KIAA0319: variants seen among roughly 807,000 people sequenced by gnomAD.
KIAA0319 encodes dyslexia-associated protein KIAA0319.
KIAA0319 carries 83 observed loss-of-function variants against 108.4 expected under a neutral mutation model. That is an observed-to-expected ratio of 0.77 (90% CI 0.64 to 0.92). The LOEUF (loss-of-function observed/expected upper bound fraction) is 0.92. Ranked by LOEUF, KIAA0319 falls within the 40% of genes least tolerant of loss-of-function variation. KIAA0319 has a pLI of 0.00. For synonymous variants in KIAA0319, 484 were observed against 510.4 expected, an observed-to-expected ratio of 0.95 and a Z score of 0.70; for missense variants, 1,195 against 1,322.4, an observed-to-expected ratio of 0.90 and a Z score of 1.49.
rs143174490 is a variant in KIAA0319, at chr6:24,611,495, T to C, written c.-105-10287A>G. On this transcript the variant is annotated intron_variant, in intron 1 of 20. Coordinates refer to ENST00000378214, the MANE Select transcript of KIAA0319 (RefSeq NM_014809.4). ...GCCCGGGCGACAGAGAAAGACTCTGTCTCAAAAAAAGAAAAGAAAAATATG... is the reference window on the plus strand; with the variant it reads ...GCCCGGGCGACAGAGAAAGACTCTGCCTCAAAAAAAGAAAAGAAAAATATG... Among the ~76,000 whole-genome samples, 598 of 152,006 alleles carry C rather than the reference T, an allele frequency of 3.9e-3. 2 individuals carry two copies. The highest frequency in any genetic ancestry group is 0.013 in the African/African-American group (557 of 41,442).
intron 16 of KIAA0319, 38 bp from the exon 17 acceptor site, chr6:24,559,193 C>T: frequency 6.2e-7 from 1 of 1,603,058 alleles, no homozygotes; most frequent in Non-Finnish European, 8.5e-7. Context: ...GCCACATGGT[C>T]AGATGGTGAC....
chr6:24,583,097 G>A, intron 5 of KIAA0319: 1 of 985,442 alleles, frequency 1.0e-6, no homozygotes, highest in Middle Eastern at 5.2e-4. Flanking sequence ...ACAGGTCCCA[G>A]GTCAAATGCT....
In KIAA0319 at chr6:24,599,413, C is replaced by T. The variant is rs1270369552; in HGVS notation, c.55+1636G>A. ...ATTAAGGATGCCAATGCCAAGCTGTCCAAGCTGGAGGCCACCCTGCAGTGG... is the reference window on the plus strand; with the variant it reads ...ATTAAGGATGCCAATGCCAAGCTGTTCAAGCTGGAGGCCACCCTGCAGTGG... On this transcript the variant is annotated intron_variant, in intron 2 of 20. Transcript: ENST00000378214. The surrounding 1 kb of genome is among the most constrained non-coding windows in gnomAD (Gnocchi z 4.1). The T allele has an allele frequency of 3.6e-6, 2 of 549,776 alleles. No individual in the cohort carries two copies. The highest frequency in any genetic ancestry group is 4.1e-5 in the Admixed American group (2 of 49,068). The allele number at this position is 549,776 out of a possible 1,614,324, so 34.1% of individuals were successfully genotyped here.
intron 3 of KIAA0319, among the ~76,000 whole-genome samples, chr6:24,592,508 C>T (rs1275426279): frequency 6.6e-6 from 1 of 152,168 alleles, no homozygotes; most frequent in African/African-American, 2.4e-5. Context: ...TCAAGCAGTT[C>T]TCCTACCTCC....
At chr6:24,551,761 A>G (rs1761543954) in intron 19 of KIAA0319, among the ~76,000 whole-genome samples, 1 of 152,166 alleles carries the variant, frequency 6.6e-6, no homozygotes, top group Non-Finnish European at 1.5e-5. Flanking sequence ...ACCTATCTAC[A>G]GGTCTCAGCT....
At chr6:24,558,233 A>T (rs1311649121) in intron 17 of KIAA0319, among the ~76,000 whole-genome samples, 2 of 152,038 alleles carry the variant, frequency 1.3e-5, no homozygotes, top group Non-Finnish European at 2.9e-5. Context: ...CTAAGGCTCT[A>T]CTAAGCCATG....
Position 24,576,478 on chromosome 6 carries a change from G to T in KIAA0319, c.1624C>A (p.Pro542Thr), listed in dbSNP as rs773814986. ...NAGPNHTITL[P>T]QNSITLNGNQ... ...CCATTCAAAGTGATGGAGTTTTGGGGCAAAGTTATGGTGTGATTTGGTCCT... is the reference window on the plus strand; with the variant it reads ...CCATTCAAAGTGATGGAGTTTTGGGTCAAAGTTATGGTGTGATTTGGTCCT... The change falls in exon 10 of 21, where the codon CCC (proline) becomes ACC (threonine). Residue 542 changes from proline (P) to threonine (T), a missense_variant. Pro to Thr is a conservative substitution (Grantham distance 38). Coordinates refer to ENST00000378214, the MANE Select transcript of KIAA0319 (RefSeq NM_014809.4). 3 of 1,614,146 alleles carry T rather than the reference G, an allele frequency of 1.9e-6. No homozygotes were observed. The highest frequency in any genetic ancestry group is 1.6e-4 in the Middle Eastern group (1 of 6,062).
chr6:24,625,416 ATATT>A (rs1483773785), intron 1 of KIAA0319, among the ~76,000 whole-genome samples: 1 of 152,160 alleles, frequency 6.6e-6, no homozygotes, highest in Non-Finnish European at 1.5e-5. Flanking sequence ...TCATTCTCAA[ATATT>A]TATTGATACA....
chr6:24,591,957 T>A (rs986960532), intron 3 of KIAA0319, among the ~76,000 whole-genome samples: 1 of 152,230 alleles, frequency 6.6e-6, no homozygotes, highest in South Asian at 2.1e-4. Flanking sequence ...GGTATATTTA[T>A]CCCATTTTAT....
intron 1 of KIAA0319, among the ~76,000 whole-genome samples, chr6:24,642,988 A>G (rs1395470107): frequency 2.0e-5 from 3 of 152,240 alleles, no homozygotes; most frequent in Non-Finnish European, 4.4e-5. Flanking sequence ...GATTATAGGC[A>G]TGAGCCACCG....
rs541720097 is a variant in KIAA0319 at position 24,612,856 on chromosome 6, T to A, written c.-105-11648A>T. ...CTCTGTCGCCCAGGCTGGAGTGCAG[T>A]GGCACGATCTCCGCTCAATGCAAGC... On this transcript the variant is annotated intron_variant, in intron 1 of 20. Coordinates refer to ENST00000378214, the MANE Select transcript of KIAA0319 (RefSeq NM_014809.4). Among the ~76,000 whole-genome samples the A allele has an allele frequency of 7.9e-5, 12 of 152,274 alleles. No individual in the cohort carries two copies. In the East Asian group the frequency reaches 2.3e-3, roughly 29 times the overall value.
rs760635346 is a variant in KIAA0319 at position 24,572,685 on chromosome 6, G to A, written c.1748C>T (p.Pro583Leu). The A allele has an allele frequency of 1.2e-6, 2 of 1,612,434 alleles. No homozygotes were observed. Among genetic ancestry groups the A allele is most frequent in the South Asian group, 2.2e-5 (2 of 90,664 alleles). ...KHVVMQGVQT[P>L]YLHLSAMQEG... Reference sequence around the variant, plus strand: ...CTGCATTGCAGATAAATGAAGGTATGGCGTCTGTACTCCCTAAGTAATAGC... The same window carrying A: ...CTGCATTGCAGATAAATGAAGGTATAGCGTCTGTACTCCCTAAGTAATAGC... The change falls in exon 11 of 21, where the codon CCA becomes CTA. Residue 583 changes from proline (P) to leucine (L), a missense_variant. Transcript: ENST00000378214.
At chr6:24,583,265 T>C (rs1384354922) in intron 5 of KIAA0319, 13 of 1,010,468 alleles carry the variant, frequency 1.3e-5, no homozygotes, top group Non-Finnish European at 1.5e-5. Flanking sequence ...TTCCCTCTCA[T>C]CCCGGTGGAA....
chr6:24,624,786 G>A (rs953572580), intron 1 of KIAA0319, among the ~76,000 whole-genome samples: 3 of 152,202 alleles, frequency 2.0e-5, no homozygotes, highest in African/African-American at 7.2e-5. Context: ...AGATTTGGAA[G>A]TCGGACGTGA....
chr6:24,620,321 G>C (rs1267581100), intron 1 of KIAA0319, among the ~76,000 whole-genome samples: 1 of 152,080 alleles, frequency 6.6e-6, no homozygotes, highest in Non-Finnish European at 1.5e-5. Context: ...TGTTTTTTGA[G>C]ACGGAGTCTC....
In KIAA0319 at chr6:24,601,100, C is replaced by A; in HGVS notation, c.4G>T (p.Ala2Ser). The A allele has an allele frequency of 6.2e-7, 1 of 1,614,122 alleles. No individual in the cohort carries two copies. The highest frequency in any genetic ancestry group is 1.3e-5 in the African/African-American group (1 of 75,040). The change falls in exon 2 of 21, where the codon GCG (alanine) becomes TCG (serine). Residue 2 changes from alanine (A) to serine (S), a missense_variant. Transcript: ENST00000378214. Reference protein sequence around the residue: MAPPTGVLSSLL... With the variant: MSPPTGVLSSLL... ...GAAGAGAGCACACCTGTGGGGGGCG[C>A]CATTGTGCACCACACAGTGGGTGAT...
rs575591476 is a variant in KIAA0319, at chr6:24,587,333, T to C, written c.994+1260A>G. 2.9e-3 allele frequency among the ~76,000 whole-genome samples: 447 copies of C among 152,116 alleles called. 1 individual carries two copies. The highest frequency in any genetic ancestry group is 7.0e-3 in the African/African-American group (291 of 41,496). ...ACTCTGTCGCCCAGGCTGGACAGAA[T>C]GCAGTGGCATGATCTCAGCTCACTG... On this transcript the variant is annotated intron_variant, in intron 4 of 20. Transcript: ENST00000378214.
chr6:24,630,062 C>T (rs1775314542), intron 1 of KIAA0319, among the ~76,000 whole-genome samples: 1 of 152,110 alleles, frequency 6.6e-6, no homozygotes, highest in Admixed American at 6.6e-5. Flanking sequence ...GCCTGTGATC[C>T]CAGCTACTCG....
At chr6:24,594,645 A>AG (rs1554164542) in intron 3 of KIAA0319, among the ~76,000 whole-genome samples, 2 of 54,520 alleles carry the variant, frequency 3.7e-5, no homozygotes, top group Admixed American at 2.6e-4. Flanking sequence ...AAAACAACAA[A>AG]AAAAAAAAAC....
Sources: gnomAD v4.1 joint callset for allele counts (sites outside exome capture counted in the v4.1 genomes callset) on GRCh38, gnomAD v4.1.1 for gene constraint, Gnocchi (gnomAD v3.1) non-coding constraint, MANE v1.5 for transcripts, NCBI Gene and HGNC (gene_info 2026-07-23, HGNC 2026-07-21) for gene names.